UNC5D: variants seen among roughly 807,000 people sequenced by gnomAD.
UNC5D encodes the protein unc-5 netrin receptor D.
In UNC5D, 39 loss-of-function variants were observed where a neutral mutation model predicts 105.4. The ratio of observed to expected loss-of-function variants is 0.37; its 90% CI spans 0.29 to 0.48. The LOEUF (loss-of-function observed/expected upper bound fraction) is 0.48. Ranked by LOEUF, UNC5D falls within the 20% of genes least tolerant of loss-of-function variation. The probability of loss-of-function intolerance (pLI) is 0.98; values close to 1 mark genes in which losing one functional copy is unlikely to be tolerated. For missense variants in UNC5D, 991 were observed against 1,202.4 expected, an observed-to-expected ratio of 0.82 and a Z score of 2.60; for synonymous variants, 452 against 450.4, an observed-to-expected ratio of 1.00 and a Z score of -0.04.
At chr8:35,447,371 A>C (rs912839910) in intron 1 of UNC5D, among the ~76,000 whole-genome samples, 2 of 152,082 alleles carry the variant, frequency 1.3e-5, no homozygotes, top group Non-Finnish European at 2.9e-5. Flanking sequence ...TTTTTAAGAG[A>C]GCTGCAGCTA....
At chr8:35,245,235 C>T (rs1235232169) in intron 1 of UNC5D, among the ~76,000 whole-genome samples, 1 of 152,174 alleles carries the variant, frequency 6.6e-6, no homozygotes, top group East Asian at 1.9e-4. Context: ...CTTATAATAA[C>T]AATTTCCATC....
intron 4 of UNC5D, among the ~76,000 whole-genome samples, chr8:35,605,703 A>G (rs1209678078): frequency 6.6e-6 from 1 of 152,198 alleles, no homozygotes; most frequent in South Asian, 2.1e-4. Flanking sequence ...CATATATGCA[A>G]ATATAAATTT....
At chr8:35,395,132 GTGT>G (rs1047351444) in intron 1 of UNC5D, among the ~76,000 whole-genome samples, 38 of 152,326 alleles carry the variant, frequency 2.5e-4, no homozygotes, top group African/African-American at 8.9e-4. Context: ...TGGATAATGT[GTGT>G]TAAGTGCTTT....
chr8:35,547,475 T>G (rs1815779316), intron 1 of UNC5D, among the ~76,000 whole-genome samples: 1 of 152,078 alleles, frequency 6.6e-6, no homozygotes, highest in South Asian at 2.1e-4. Flanking sequence ...CTATTTTTAT[T>G]TTTAGTAGAG....
intron 12 of UNC5D, among the ~76,000 whole-genome samples, chr8:35,749,862 C>T (rs1349148977): frequency 6.6e-6 from 1 of 152,062 alleles, no homozygotes; most frequent in Non-Finnish European, 1.5e-5. Context: ...TATTCTAGTA[C>T]ATCTTATCCA....
At chr8:35,601,294 G>T (rs1200760378) in intron 4 of UNC5D, among the ~76,000 whole-genome samples, 1 of 151,962 alleles carries the variant, frequency 6.6e-6, no homozygotes, top group Non-Finnish European at 1.5e-5. Flanking sequence ...CTCTTTTTTG[G>T]TTCCATATGA....
At chr8:35,653,297 T>A (rs749847229) in intron 4 of UNC5D, among the ~76,000 whole-genome samples, 81 of 152,130 alleles carry the variant, frequency 5.3e-4, no homozygotes, top group Non-Finnish European at 1.1e-3. Context: ...GTGTTATTAA[T>A]TATAGTAAAT....
At chr8:35,271,951 A>C (rs1253691423) in intron 1 of UNC5D, among the ~76,000 whole-genome samples, 1 of 151,950 alleles carries the variant, frequency 6.6e-6, no homozygotes, top group East Asian at 2.0e-4. Flanking sequence ...GTAGATAAGA[A>C]TATCATGGCA....
intron 8 of UNC5D, among the ~76,000 whole-genome samples, chr8:35,708,914 CA>C (rs1390645061): frequency 6.6e-6 from 1 of 152,150 alleles, no homozygotes; most frequent in Non-Finnish European, 1.5e-5. Context: ...TGTCCTTAAT[CA>C]AATCCTTTTC....
At chr8:35,620,347 T>G (rs928561374) in intron 4 of UNC5D, among the ~76,000 whole-genome samples, 4 of 152,178 alleles carry the variant, frequency 2.6e-5, no homozygotes, top group African/African-American at 9.7e-5. Flanking sequence ...AAAGGAGAGT[T>G]GAGTTTTGTC....
At chr8:35,661,812 G>A (rs997756524) in intron 4 of UNC5D, among the ~76,000 whole-genome samples, 3 of 152,110 alleles carry the variant, frequency 2.0e-5, no homozygotes, top group Admixed American at 2.0e-4. Flanking sequence ...ATCAAACTAA[G>A]AAACATATCT....
chr8:35,497,027 A>G (rs1245865834), intron 1 of UNC5D, among the ~76,000 whole-genome samples: 2 of 152,208 alleles, frequency 1.3e-5, no homozygotes, highest in African/African-American at 2.4e-5. Flanking sequence ...TATTTATTTA[A>G]TATACCTTTT....
intron 1 of UNC5D, among the ~76,000 whole-genome samples, chr8:35,350,711 A>G (rs998367441): frequency 2.6e-5 from 4 of 151,992 alleles, no homozygotes; most frequent in African/African-American, 2.4e-5. Context: ...TTAAGTCTCA[A>G]TGGAAGTGAT....
intron 1 of UNC5D, among the ~76,000 whole-genome samples, chr8:35,470,796 AAATAAATAAAT>A (rs759529969): frequency 0.12 from 5,253 of 44,984 alleles, 141 homozygotes; most frequent in Non-Finnish European, 0.2. Context: ...ATAAATAAAT[AAATAAATAAAT>A]AAATAAAATA....
chr8:35,501,915 G>A (rs1811995806), intron 1 of UNC5D, among the ~76,000 whole-genome samples: 1 of 152,200 alleles, frequency 6.6e-6, no homozygotes, highest in Non-Finnish European at 1.5e-5. Context: ...TTAAACAAAT[G>A]TGAGAGAGAT....
intron 1 of UNC5D, among the ~76,000 whole-genome samples, chr8:35,387,112 G>C (rs994698691): frequency 1.3e-5 from 2 of 151,774 alleles, no homozygotes; most frequent in Non-Finnish European, 1.5e-5. Context: ...TGTAATCCCA[G>C]CACTTTGGGA....
At chr8:35,562,724 CAGAT>C (rs1817046155) in intron 2 of UNC5D, among the ~76,000 whole-genome samples, 2 of 152,162 alleles carry the variant, frequency 1.3e-5, no homozygotes, top group African/African-American at 4.8e-5. Flanking sequence ...AATCCCTTGT[CAGAT>C]AGATAGTTTG....
chr8:35,360,372 A>T (rs571967036), intron 1 of UNC5D, among the ~76,000 whole-genome samples: 1 of 152,320 alleles, frequency 6.6e-6, no homozygotes, highest in East Asian at 1.9e-4. Flanking sequence ...GAATCTCTCT[A>T]TCCTAAATTT....
intron 4 of UNC5D, 59 bp downstream of exon 4, chr8:35,595,716 G>A (rs1165404362): frequency 6.6e-7 from 1 of 1,504,478 alleles, no homozygotes; most frequent in Non-Finnish European, 9.2e-7. Flanking sequence ...CCAAGAGGGA[G>A]GGCGGAGTCC....
Sources: gnomAD v4.1 joint callset for allele counts (sites outside exome capture counted in the v4.1 genomes callset) on GRCh38, gnomAD v4.1.1 for gene constraint, MANE v1.5 for transcripts, NCBI Gene and HGNC (gene_info 2026-07-23, HGNC 2026-07-21) for gene names.